Variants in UGGT1 observed in about 807,000 individuals in gnomAD.
The protein encoded by UGGT1 is UDP-glucose glycoprotein glucosyltransferase 1.
Under a neutral mutation model 203.9 loss-of-function variants are expected in UGGT1, and 107 were observed. The ratio of observed to expected loss-of-function variants is 0.52; its 90% CI spans 0.45 to 0.62. The LOEUF is 0.62. Among genes scored for constraint, UGGT1 ranks in the 20% least tolerant of loss-of-function variants. The probability of loss-of-function intolerance (pLI) is 0.00; values close to 1 mark genes in which losing one functional copy is unlikely to be tolerated. For missense variants in UGGT1, 1,673 were observed against 1,867.2 expected (o/e 0.90, Z 1.92); for synonymous variants, 628 against 653.5 (o/e 0.96, Z 0.59).
rs942902025 is a variant in UGGT1 at position 128,161,034 on chromosome 2, T to C, written c.2695-104T>C. 1.3e-5 allele frequency: 18 copies of C among 1,346,334 alleles called. 1 individual carries two copies. In the African/African-American group the frequency reaches 2.5e-4, roughly 19 times the overall value. The allele number at this position is 1,346,334 out of a possible 1,614,324, so 83.4% of individuals were successfully genotyped here. On this transcript the variant is annotated intron_variant, in intron 24 of 40. Coordinates refer to ENST00000259253, the MANE Select transcript of UGGT1 (RefSeq NM_020120.4). ...GTACCTGTCTCAGGTCTTTAAGATG[T>C]TCTGGCGTATGAGGTAGCCTGAGGA...
chr2:128,182,226 G>T lies in UGGT1; in HGVS notation c.4180G>T (p.Gly1394Cys). Reference protein sequence around the residue: ...PFCDSRREMDGYRFWKSGYWA... With the variant: ...PFCDSRREMDCYRFWKSGYWA... ...CTGTGACAGCCGAAGAGAAATGGAC[G>T]GCTACAGGTTCTGGAAGTCAGGGTA... Residue 1394 changes from glycine (G) to cysteine (C), a missense_variant, in exon 37 of 41, where the codon GGC becomes TGC. Gly to Cys is a radical substitution (Grantham distance 159). Around this residue, in one of 4 missense-constraint regions of UGGT1, gnomAD observed 513 missense variants for 684.1 expected, o/e 0.75. Coordinates refer to ENST00000259253, the MANE Select transcript of UGGT1 (RefSeq NM_020120.4). The T allele has an allele frequency of 1.2e-6, 2 of 1,614,144 alleles. No individual in the cohort carries two copies. The highest frequency in any genetic ancestry group is 1.1e-5 in the South Asian group (1 of 91,068).
intron 15 of UGGT1, 91 bp from the exon 16 acceptor site, chr2:128,138,626 A>G (rs889229233): frequency 2.8e-6 from 4 of 1,441,000 alleles, no homozygotes; most frequent in Non-Finnish European, 3.8e-6. Context: ...TCTGTTAGCT[A>G]TAATGTATGA....
chr2:128,170,458 G>A, intron 27 of UGGT1, 68 bp downstream of exon 27: 1 of 1,408,378 alleles, frequency 7.1e-7, no homozygotes, highest in East Asian at 2.3e-5. Flanking sequence ...GAAATTCACT[G>A]AGAGCTTCGT....
At chr2:128,122,500 C>G (rs1302813757) in intron 10 of UGGT1, among the ~76,000 whole-genome samples, 1 of 151,062 alleles carries the variant, frequency 6.6e-6, no homozygotes, top group Admixed American at 6.6e-5. Context: ...TGCCATTGCA[C>G]TCCAGCCTGA....
intron 34 of UGGT1, among the ~76,000 whole-genome samples, chr2:128,179,358 T>G (rs574271033): frequency 1.3e-5 from 2 of 152,196 alleles, no homozygotes; most frequent in Non-Finnish European, 2.9e-5. Flanking sequence ...AAGCAGGGCC[T>G]CTGTGTAGGC....
Position 128,194,001 on chromosome 2 carries a change from G to A in UGGT1, c.*4259G>A, listed in dbSNP as rs1692401008. On this transcript the variant is annotated 3_prime_UTR_variant, in exon 41 of 41. Transcript: ENST00000259253. ...ATTTCATGGGAATGGAAATGTATTG[G>A]TAAAGCTACCTGATGGAAGCTTTCT... 1 of 152,196 alleles carries A rather than the reference G, an allele frequency of 6.6e-6. No individual in the cohort carries two copies. Among genetic ancestry groups the A allele is most frequent in the Non-Finnish European group, 1.5e-5 (1 of 68,040 alleles). The allele number at this position is 152,196 out of a possible 1,614,324, so 9.4% of individuals were successfully genotyped here.
At position 128,187,703 on chromosome 2, in the gene UGGT1, G is replaced by A. The variant is rs1444096131; in HGVS notation, c.4642+89G>A. 3.7e-6 allele frequency: 5 copies of A among 1,363,552 alleles called. No homozygotes were observed. The South Asian group carries it at 8.9e-5, about 24-fold the overall frequency. The allele number at this position is 1,363,552 out of a possible 1,614,324, so 84.5% of individuals were successfully genotyped here. On this transcript the variant is annotated intron_variant, in intron 40 of 40. Coordinates refer to ENST00000259253, the MANE Select transcript of UGGT1 (RefSeq NM_020120.4). ...AAGACAATAGAATAATGGATAAAAG[G>A]AAGAGAAAAATCTCCTATTAATCCT...
intron 15 of UGGT1, among the ~76,000 whole-genome samples, chr2:128,136,398 A>G (rs1689130694): frequency 6.6e-6 from 1 of 151,936 alleles, no homozygotes; most frequent in South Asian, 2.1e-4. Flanking sequence ...AATCTTTGGC[A>G]ACTACTGATC....
intron 30 of UGGT1, among the ~76,000 whole-genome samples, chr2:128,174,550 C>G (rs778888978): frequency 5.3e-5 from 8 of 152,178 alleles, no homozygotes; most frequent in Admixed American, 6.5e-5. Context: ...ATCCACCTGC[C>G]GTGGTCTCCC....
Position 128,161,198 on chromosome 2 carries a change from A to C in UGGT1, c.2755A>C (p.Asn919His). ...FNQDDFHLLE[N>H]IILKTSGQKI... ...TCAAGACGATTTCCACCTCCTCGAA[A>C]ATATCATCTTAAAAACCTCAGGACA... The change falls in exon 25 of 41, where the codon AAT (asparagine) becomes CAT (histidine). Residue 919 changes from asparagine (N) to histidine (H), a missense_variant. Physicochemically the swap from Asn to His is moderately conservative, Grantham distance 68. This residue lies in a region of UGGT1 where 1,073 missense variants were observed against 1,078.7 expected (regional missense o/e 0.99). Transcript: ENST00000259253. 6.2e-7 allele frequency: 1 copy of C among 1,614,060 alleles called. No individual in the cohort carries two copies. The highest frequency in any genetic ancestry group is 1.3e-5 in the African/African-American group (1 of 75,036).
intron 22 of UGGT1, among the ~76,000 whole-genome samples, chr2:128,159,108 T>C (rs1225512266): frequency 8.2e-6 from 1 of 121,388 alleles, no homozygotes; most frequent in African/African-American, 3.0e-5. Flanking sequence ...TTTTTTTTTT[T>C]TTTTTTAATG....
chr2:128,133,300 C>G (rs2105428280), intron 14 of UGGT1, 40 bp downstream of exon 14: 1 of 1,555,154 alleles, frequency 6.4e-7, no homozygotes, highest in Non-Finnish European at 8.7e-7. Context: ...CTCTGTTTCT[C>G]CCTTGCCTAG....
chr2:128,109,752 T>C lies in UGGT1; in HGVS notation c.521+6T>C, dbSNP rs747033321. ...CTACTGACAGCCTCTGAAAGGTAGATTATGTGTTTCTTTATTTTCATGTCA... is the reference window on the plus strand; with the variant it reads ...CTACTGACAGCCTCTGAAAGGTAGACTATGTGTTTCTTTATTTTCATGTCA... On this transcript the variant is annotated splice_donor_region_variant and intron_variant, in intron 5 of 40. Transcript: ENST00000259253. 2.5e-6 allele frequency: 4 copies of C among 1,605,740 alleles called. No homozygotes were observed. The highest frequency in any genetic ancestry group is 3.4e-6 in the Non-Finnish European group (4 of 1,172,806).
chr2:128,107,509 T>C (rs919334669), intron 3 of UGGT1, among the ~76,000 whole-genome samples: 4 of 152,220 alleles, frequency 2.6e-5, no homozygotes, highest in African/African-American at 9.6e-5. Flanking sequence ...GGGGTATAGA[T>C]AGACAGTGAA....
chr2:128,180,217 A>G (rs1233156050), intron 35 of UGGT1, among the ~76,000 whole-genome samples: 3 of 152,234 alleles, frequency 2.0e-5, no homozygotes, highest in Non-Finnish European at 2.9e-5. Context: ...TGGTGTTAGC[A>G]TGAACCACTC....
intron 25 of UGGT1, among the ~76,000 whole-genome samples, chr2:128,161,829 C>T (rs964365744): frequency 1.2e-4 from 18 of 151,952 alleles, no homozygotes; most frequent in East Asian, 7.7e-4. Context: ...TTGGATGGAC[C>T]CTGGAGTCCA....
rs191579295 is a variant in UGGT1, at chr2:128,176,143, A to G, written c.3540-671A>G. Among the ~76,000 whole-genome samples, 1,052 of 152,096 alleles carry G rather than the reference A, an allele frequency of 6.9e-3. 6 individuals are homozygous for G. The highest frequency in any genetic ancestry group is 0.021 in the South Asian group (102 of 4,818). On this transcript the variant is annotated intron_variant, in intron 31 of 40. Transcript: ENST00000259253. ...GAGTAGTGGCCGGGAGTGATGGGTG[A>G]TGGCTCACGCCTGTAATCCCAACAC... is the stretch of plus-strand genomic sequence containing the variant.
chr2:128,138,918 G>A (rs1689276280), intron 16 of UGGT1, 66 bp downstream of exon 16: 1 of 1,585,926 alleles, frequency 6.3e-7, no homozygotes, highest in African/African-American at 1.3e-5. Flanking sequence ...AACAATGTGT[G>A]GTCATTGTAT....
intron 13 of UGGT1, among the ~76,000 whole-genome samples, chr2:128,130,634 C>T (rs13387889): frequency 0.13 from 20,324 of 152,114 alleles, 1,493 homozygotes; most frequent in Non-Finnish European, 0.16. Context: ...TCAGATTTAA[C>T]TGTTTTCTTG....
Sources: gnomAD v4.1 joint callset for allele counts (sites outside exome capture counted in the v4.1 genomes callset) on GRCh38, gnomAD v4.1.1 for gene constraint, gnomAD v4.1.1 regional missense constraint, MANE v1.5 for transcripts, NCBI Gene and HGNC (gene_info 2026-07-23, HGNC 2026-07-21) for gene names.